SLC6A7: variants seen among roughly 807,000 people sequenced by gnomAD.
SLC6A7 encodes solute carrier family 6 member 7.
A neutral mutation model predicts 73.1 loss-of-function variants in SLC6A7; 58 were observed. The observed-to-expected ratio is 0.79, with a 90% CI of 0.64 to 0.99. The LOEUF is 0.99. Among genes scored for constraint, SLC6A7 ranks in the 50% least tolerant of loss-of-function variants. The pLI is 0.00. For missense variants in SLC6A7, 783 were observed against 831.4 expected, an observed-to-expected ratio of 0.94 and a Z score of 0.72; for synonymous variants, 338 against 338.7, an observed-to-expected ratio of 1.00 and a Z score of 0.02.
chr5:150,196,761 T>C lies in SLC6A7; in HGVS notation c.263T>C (p.Ile88Thr). The C allele has an allele frequency of 1.9e-6, 3 of 1,614,028 alleles. No homozygotes were observed. The highest frequency in any genetic ancestry group is 1.7e-6 in the Non-Finnish European group (2 of 1,179,932). ...TTCCTCATGCTGGCCATCTGTGGCA[T>C]CCCCCTCTTCTTCCTGGAGCTCTCC... is the stretch of plus-strand genomic sequence containing the variant. ...PYFLMLAICG[I>T]PLFFLELSLG... The change falls in exon 3 of 14, where the codon ATC (isoleucine) becomes ACC (threonine). Residue 88 changes from isoleucine to threonine, a missense_variant. Physicochemically the swap from Ile to Thr is moderately conservative, Grantham distance 89. Transcript: ENST00000230671.
intron 11 of SLC6A7, 49 bp from the exon 12 acceptor site, chr5:150,204,778 T>C (rs6878880): frequency 0.99 from 1,434,577 of 1,446,732 alleles, 711,277 homozygotes; most frequent in East Asian, 1. Flanking sequence ...GCTGCTGGCG[T>C]TTGTGGGGCC....
chr5:150,202,492 G>A (rs1554116440), intron 7 of SLC6A7, 42 bp downstream of exon 7: 2 of 1,611,480 alleles, frequency 1.2e-6, no homozygotes, highest in Non-Finnish European at 8.5e-7. Context: ...GTCCAAAGCA[G>A]GGAGGAGAGT....
Position 150,199,281 on chromosome 5 carries a change from T to A in SLC6A7, c.638T>A (p.Ile213Asn). 6.2e-7 allele frequency: 1 copy of A among 1,613,860 alleles called. No individual in the cohort carries two copies. Among genetic ancestry groups the A allele is most frequent in the Middle Eastern group, 1.7e-4 (1 of 6,058 alleles). The stretch of plus-strand genomic sequence containing the variant: ...CAGGGCATCGGCAGCCCTGGGGAGA[T>A]CCGCTGGAACCTCTGCCTCTGCCTG... ...GSQGIGSPGE[I>N]RWNLCLCLLL... Residue 213 changes from isoleucine to asparagine, a missense_variant, in exon 5 of 14, where the codon ATC becomes AAC. Ile to Asn is a moderately radical substitution (Grantham distance 149, BLOSUM62 -3). Coordinates refer to ENST00000230671, the MANE Select transcript of SLC6A7 (RefSeq NM_014228.5).
rs1270191207 is a variant in SLC6A7, at chr5:150,205,048, A to C, written c.1533+121A>C. ...CGCAGTGGAGGGCTGTGGGGTGGCC[A>C]CCAGAATCCTAGTCCATCCCCTCCC... On this transcript the variant is annotated intron_variant, in intron 12 of 13. Coordinates refer to ENST00000230671, the MANE Select transcript of SLC6A7 (RefSeq NM_014228.5). The C allele has an allele frequency of 1.6e-5, 10 of 633,336 alleles. No individual in the cohort carries two copies. In the East Asian group the frequency reaches 2.7e-4, roughly 17 times the overall value. The allele number at this position is 633,336 out of a possible 1,614,324, so 39.2% of individuals were successfully genotyped here.
chr5:150,201,145 C>T lies in SLC6A7; in HGVS notation c.780C>T (p.Arg260=), dbSNP rs778873360. The T allele has an allele frequency of 1.2e-5, 20 of 1,613,722 alleles. No homozygotes were observed. Among genetic ancestry groups the T allele is most frequent in the East Asian group, 2.2e-5 (1 of 44,832 alleles). The change falls in exon 6 of 14, where the codon CGC becomes CGT. Residue 260 remains arginine (R), a synonymous_variant. Coordinates refer to ENST00000230671, the MANE Select transcript of SLC6A7 (RefSeq NM_014228.5). ...PYLILLMLLV[R]GVTLPGAWKG... ...TCATCCTGCTCATGCTGCTGGTCCG[C>T]GGAGTCACCCTCCCAGGGGCCTGGA...
intron 8 of SLC6A7, among the ~76,000 whole-genome samples, chr5:150,202,986 A>C (rs776441866): frequency 7.2e-5 from 11 of 152,090 alleles, no homozygotes; most frequent in Non-Finnish European, 1.2e-4. Flanking sequence ...AGGCAGGAGA[A>C]TCGCTTGAAC....
intron 13 of SLC6A7, among the ~76,000 whole-genome samples, chr5:150,208,017 G>C (rs73279873): frequency 6.6e-6 from 1 of 151,840 alleles, no homozygotes. Context: ...CCATGCGCAG[G>C]ACAGCCCCCA....
At chr5:150,201,560 A>G (rs1753384169) in intron 6 of SLC6A7, among the ~76,000 whole-genome samples, 1 of 152,158 alleles carries the variant, frequency 6.6e-6, no homozygotes. Flanking sequence ...ATATATTGTC[A>G]CTAACTGCAT....
chr5:150,204,478 G>A (rs1020161631), intron 10 of SLC6A7, 54 bp from the exon 11 acceptor site: 11 of 1,349,794 alleles, frequency 8.1e-6, no homozygotes, highest in South Asian at 2.3e-5. Context: ...AGAAGGGGCT[G>A]TAGCAGAGAA....
At chr5:150,195,973 A>T (rs565496005) in intron 2 of SLC6A7, among the ~76,000 whole-genome samples, 1 of 152,318 alleles carries the variant, frequency 6.6e-6, no homozygotes, top group Admixed American at 6.5e-5. Context: ...GGCCACAGAC[A>T]ACTCTGCAAT....
chr5:150,208,033 C>T (rs558569364), intron 13 of SLC6A7, among the ~76,000 whole-genome samples: 1 of 151,670 alleles, frequency 6.6e-6, no homozygotes, highest in Non-Finnish European at 1.5e-5. Context: ...CCCCATAACA[C>T]AGAATCCTCT....
intron 4 of SLC6A7, among the ~76,000 whole-genome samples, chr5:150,198,975 G>T (rs1753227142): frequency 6.6e-6 from 1 of 152,028 alleles, no homozygotes. Flanking sequence ...GAGGAAGGAA[G>T]AAGAGGAAGG....
chr5:150,201,260 A>G (rs1444664284), intron 6 of SLC6A7, 37 bp downstream of exon 6: 4 of 1,557,274 alleles, frequency 2.6e-6, no homozygotes, highest in African/African-American at 1.4e-5. Context: ...GGGAGGGGCC[A>G]GGCCTGAGCT....
chr5:150,196,233 C>A (rs1415529496), intron 2 of SLC6A7, among the ~76,000 whole-genome samples: 2 of 152,146 alleles, frequency 1.3e-5, no homozygotes, highest in East Asian at 3.9e-4. Context: ...CTTCCAGAGT[C>A]ATATGGTGGT....
rs116872470 is a variant in SLC6A7 at position 150,208,491 on chromosome 5, G to A, written c.1702-915G>A. 1.5e-3 allele frequency among the ~76,000 whole-genome samples: 234 copies of A among 152,314 alleles called. 4 individuals carry two copies. The East Asian group carries it at 0.03, about 20-fold the overall frequency. Reference sequence around the variant, plus strand: ...GGGGCCAGGAGCTGGAGGCCCTGGTGCACACTTTGGATTTCATTTCCAGTG... The same window carrying A: ...GGGGCCAGGAGCTGGAGGCCCTGGTACACACTTTGGATTTCATTTCCAGTG... On this transcript the variant is annotated intron_variant, in intron 13 of 13. Transcript: ENST00000230671.
In SLC6A7 at chr5:150,191,830, C is replaced by G. The variant is rs532409247; in HGVS notation, c.33+1470C>G. Among the ~76,000 whole-genome samples the G allele has an allele frequency of 2.0e-5, 3 of 152,148 alleles. No individual in the cohort carries two copies. In the East Asian group the frequency reaches 5.8e-4, roughly 30 times the overall value. ...CTTTTCCACTCTCCTTCTCTTCCCTCTCTGCCCTCCCTCCCCACAAGAGGC... is the reference window on the plus strand; with the variant it reads ...CTTTTCCACTCTCCTTCTCTTCCCTGTCTGCCCTCCCTCCCCACAAGAGGC... On this transcript the variant is annotated intron_variant, in intron 1 of 13. Coordinates refer to ENST00000230671, the MANE Select transcript of SLC6A7 (RefSeq NM_014228.5).
chr5:150,205,468 T>G lies in SLC6A7; in HGVS notation c.1546T>G (p.Tyr516Asp), dbSNP rs369397852. ...CCCCACTCTGCAGGCCCTCATGGTG[T>G]ATAGCATCGTCAAGTACCAGCCCTC... Reference protein sequence around the residue: ...SPATLLALMVYSIVKYQPSEY... With the variant: ...SPATLLALMVDSIVKYQPSEY... Residue 516 changes from tyrosine to aspartate, a missense_variant, in exon 13 of 14, where the codon TAT becomes GAT. Physicochemically the swap from Tyr to Asp is radical, Grantham distance 160. Transcript: ENST00000230671. The G allele has an allele frequency of 1.9e-6, 3 of 1,606,358 alleles. No homozygotes were observed. The African/African-American group carries it at 4.0e-5, about 21-fold the overall frequency.
At chr5:150,206,989 G>A (rs1031063482) in intron 13 of SLC6A7, among the ~76,000 whole-genome samples, 1 of 152,222 alleles carries the variant, frequency 6.6e-6, no homozygotes, top group Non-Finnish European at 1.5e-5. Flanking sequence ...CACTGCGGAA[G>A]AGGCATTCCC....
chr5:150,197,037 A>G lies in SLC6A7; in HGVS notation c.350-5A>G, dbSNP rs765313532. 1 of 1,612,900 alleles carries G rather than the reference A, an allele frequency of 6.2e-7. No homozygotes were observed. Among genetic ancestry groups the G allele is most frequent in the South Asian group, 1.1e-5 (1 of 91,030 alleles). On this transcript the variant is annotated splice_polypyrimidine_tract_variant and splice_region_variant and intron_variant, in intron 3 of 13. Coordinates refer to ENST00000230671, the MANE Select transcript of SLC6A7 (RefSeq NM_014228.5). ...GGGCAGCCCAGCAGCCTCTCCCCAC[A>G]CCAGGCGCCGGCGCAGCCATGCTGC...
Sources: allele counts gnomAD v4.1 joint callset (sites outside exome capture counted in the v4.1 genomes callset), GRCh38; gene constraint gnomAD v4.1.1; transcripts MANE v1.5; gene names NCBI Gene and HGNC (gene_info 2026-07-23, HGNC 2026-07-21).